The following PRICKLE1 variants were observed in gnomAD, a reference collection of about 807,000 sequenced individuals.
PRICKLE1 encodes prickle planar cell polarity protein 1.
Under a neutral mutation model 70.2 loss-of-function variants are expected in PRICKLE1, and 14 were observed. The ratio of observed to expected loss-of-function variants is 0.20; its 90% CI spans 0.13 to 0.31. The LOEUF (loss-of-function observed/expected upper bound fraction) is 0.31, where lower values mean the gene tolerates loss of function less well. Among genes scored for constraint, PRICKLE1 ranks in the 10% least tolerant of loss-of-function variants. The pLI is 1.00. For synonymous variants in PRICKLE1, 357 were observed against 379.9 expected (o/e 0.94, Z 0.70); for missense variants, 821 against 1,026.2 (o/e 0.80, Z 2.73).
chr12:42,499,082 C>T (rs564132753), intron 1 of PRICKLE1, among the ~76,000 whole-genome samples: 2 of 152,230 alleles, frequency 1.3e-5, no homozygotes, highest in East Asian at 3.9e-4. Context: ...CACAATAGTG[C>T]CAAATGAACC....
intron 1 of PRICKLE1, chr12:42,489,982 C>T (rs1939066025): frequency 6.6e-6 from 1 of 152,122 alleles, no homozygotes; most frequent in Non-Finnish European, 1.5e-5. Flanking sequence ...TTTCCCTTGA[C>T]TTAGAGACTT....
At chr12:42,466,797 T>C (rs566124863) in intron 5 of PRICKLE1, among the ~76,000 whole-genome samples, 2 of 152,336 alleles carry the variant, frequency 1.3e-5, no homozygotes, top group Admixed American at 6.5e-5. Flanking sequence ...AACACAGTTA[T>C]AGCTACACAG....
At chr12:42,509,766 A>G (rs1376052406) in intron 1 of PRICKLE1, among the ~76,000 whole-genome samples, 5 of 152,044 alleles carry the variant, frequency 3.3e-5, no homozygotes, top group Non-Finnish European at 7.4e-5. Flanking sequence ...GCTCATGTCA[A>G]TTTGTCCAAA....
At chr12:42,552,672 A>G (rs1008544892) in intron 1 of PRICKLE1, among the ~76,000 whole-genome samples, 1 of 152,202 alleles carries the variant, frequency 6.6e-6, no homozygotes, top group African/African-American at 2.4e-5. Flanking sequence ...TTGGGCACAG[A>G]GCGCTGTGAG....
intron 1 of PRICKLE1, among the ~76,000 whole-genome samples, chr12:42,493,263 G>A (rs919904540): frequency 2.8e-4 from 43 of 151,958 alleles, no homozygotes; most frequent in African/African-American, 1.0e-3. Flanking sequence ...TTGAGGTGAC[G>A]GACACTCCAT....
intron 1 of PRICKLE1, among the ~76,000 whole-genome samples, chr12:42,551,573 A>C (rs997374713): frequency 5.3e-5 from 8 of 152,184 alleles, no homozygotes; most frequent in African/African-American, 1.9e-4. Flanking sequence ...ATATTGATCC[A>C]CCTGTAAAGA....
Position 42,465,257 on chromosome 12 carries a change from A to G in PRICKLE1, c.777T>C (p.Gly259=). 6.2e-7 allele frequency: 1 copy of G among 1,614,122 alleles called. No individual in the cohort carries two copies. Among genetic ancestry groups the G allele is most frequent in the Non-Finnish European group, 8.5e-7 (1 of 1,180,002 alleles). Residue 259 remains glycine, a splice_region_variant and synonymous_variant, in exon 7 of 8, where the codon GGT becomes GGC. Transcript: ENST00000345127. The part of the protein sequence containing the change: ...EYCETCGEHI[G]VDHAQMTYDG... Reference sequence around the variant, plus strand: ...CATAGGTCATCTGTGCATGGTCCACACCTGTTTTGAAAAGGATAGAATAAA... The same window carrying G: ...CATAGGTCATCTGTGCATGGTCCACGCCTGTTTTGAAAAGGATAGAATAAA...
At position 42,458,577 on chromosome 12, in the gene PRICKLE1, A is replaced by G. The variant is rs1937662801; in HGVS notation, c.*1232T>C. On this transcript the variant is annotated 3_prime_UTR_variant, in exon 8 of 8. Coordinates refer to ENST00000345127, the MANE Select transcript of PRICKLE1 (RefSeq NM_153026.3). ...AATTTAAAGATTTTAAAACAAAAAC[A>G]TAACCAGAAGACCCAGTTTTCAAAA... 6.6e-6 allele frequency: 1 copy of G among 152,258 alleles called. No homozygotes were observed. Among genetic ancestry groups the G allele is most frequent in the African/African-American group, 2.4e-5 (1 of 41,466 alleles). 9.4% of individuals were successfully genotyped at this position (152,258 alleles called of 1,614,324 possible).
intron 1 of PRICKLE1, among the ~76,000 whole-genome samples, chr12:42,495,405 A>AGT: frequency 6.9e-6 from 1 of 145,358 alleles, no homozygotes; most frequent in Admixed American, 6.8e-5. Flanking sequence ...AAAAAAAGAG[A>AGT]GAGAGAGAGA....
At chr12:42,469,156 CT>C (rs1052733224) in intron 4 of PRICKLE1, among the ~76,000 whole-genome samples, 1 of 152,118 alleles carries the variant, frequency 6.6e-6, no homozygotes, top group African/African-American at 2.4e-5. Flanking sequence ...GTTTCTGCAT[CT>C]TTTGAATACG....
intron 2 of PRICKLE1, among the ~76,000 whole-genome samples, chr12:42,472,021 T>C (rs1231408545): frequency 1.3e-5 from 2 of 152,232 alleles, no homozygotes; most frequent in Non-Finnish European, 1.5e-5. Context: ...CTCTTTTCTT[T>C]TATTGCCTTT....
At chr12:42,560,513 TTA>T (rs1940492986) in intron 1 of PRICKLE1, among the ~76,000 whole-genome samples, 3 of 135,264 alleles carry the variant, frequency 2.2e-5, no homozygotes, top group African/African-American at 1.1e-4. Context: ...GGACTATTTG[TTA>T]GACAGGGTGG....
chr12:42,587,058 TG>T (rs1307104146), intron 1 of PRICKLE1, among the ~76,000 whole-genome samples: 1 of 152,194 alleles, frequency 6.6e-6, no homozygotes, highest in Non-Finnish European at 1.5e-5. Context: ...CCACACACCA[TG>T]GACAAATAGT....
Position 42,460,337 on chromosome 12 carries a change from A to C in PRICKLE1, c.1968T>G (p.Thr656=), listed in dbSNP as rs1159524235. The C allele has an allele frequency of 6.2e-7, 1 of 1,613,992 alleles. No individual in the cohort carries two copies. The highest frequency in any genetic ancestry group is 8.5e-7 in the Non-Finnish European group (1 of 1,180,038). Residue 656 remains threonine, a synonymous_variant, in exon 8 of 8, where the codon ACT becomes ACG. Transcript: ENST00000345127. ...EIRQPPMSER[T]RRRVYNFEER... ...CTTCAAAATTGTAGACGCGTCTCCG[A>C]GTCCTTTCACTCATCGGAGGCTGCC...
At chr12:42,512,946 A>C (rs1371011230) in intron 1 of PRICKLE1, among the ~76,000 whole-genome samples, 2 of 117,494 alleles carry the variant, frequency 1.7e-5, no homozygotes, top group Non-Finnish European at 3.5e-5. Context: ...ACTTTGCCCT[A>C]AGGCATTATT....
At chr12:42,581,889 C>T (rs1261227740) in intron 1 of PRICKLE1, among the ~76,000 whole-genome samples, 2 of 152,010 alleles carry the variant, frequency 1.3e-5, no homozygotes, top group Admixed American at 1.3e-4. Context: ...TAGTTTAAAA[C>T]GCTCTCACAC....
intron 1 of PRICKLE1, among the ~76,000 whole-genome samples, chr12:42,521,469 G>A (rs1445392124): frequency 5.9e-5 from 9 of 152,180 alleles, no homozygotes; most frequent in Non-Finnish European, 1.3e-4. Flanking sequence ...GGAGGCCGAG[G>A]TGGGAGGATC....
At chr12:42,488,409 C>G (rs1213828003) in intron 1 of PRICKLE1, among the ~76,000 whole-genome samples, 1 of 152,196 alleles carries the variant, frequency 6.6e-6, no homozygotes, top group Non-Finnish European at 1.5e-5. Flanking sequence ...CCATCTTTGC[C>G]CACCCTAACC....
Position 42,526,397 on chromosome 12 carries a change from G to T in PRICKLE1, c.-48-53833C>A, listed in dbSNP as rs1479685818. ...GGAGTTGGCGGGGGCAGAGGTTGAG[G>T]TTTGTTTGGGGGAATTAAGAGAAAC... On this transcript the variant is annotated intron_variant, in intron 1 of 7. Transcript: ENST00000345127. Among the ~76,000 whole-genome samples, 3 of 152,030 alleles carry T rather than the reference G, an allele frequency of 2.0e-5. No individual in the cohort carries two copies. In the East Asian group the frequency reaches 5.8e-4, roughly 29 times the overall value.
Sources: gnomAD v4.1 joint callset for allele counts (sites outside exome capture counted in the v4.1 genomes callset) on GRCh38, gnomAD v4.1.1 for gene constraint, MANE v1.5 for transcripts, NCBI Gene and HGNC (gene_info 2026-07-23, HGNC 2026-07-21) for gene names.